The following FER variants were observed in gnomAD, a reference collection of about 807,000 sequenced individuals.
FER encodes the protein tyrosine-protein kinase Fer.
FER carries 63 observed loss-of-function variants against 111.0 expected under a neutral mutation model. That is an observed-to-expected ratio of 0.57 (90% confidence interval 0.46 to 0.70). The LOEUF (loss-of-function observed/expected upper bound fraction) is 0.70, where lower values mean the gene tolerates loss of function less well. FER is among the 30% of genes least tolerant of loss of function. The pLI, the probability that FER is intolerant of heterozygous loss-of-function variation, is 0.00. For synonymous variants in FER, 327 were observed against 313.9 expected (o/e 1.04, Z -0.44); for missense variants, 914 against 954.0 (o/e 0.96, Z 0.55).
At chr5:109,086,279 C>G (rs986487838) in intron 16 of FER, among the ~76,000 whole-genome samples, 2 of 115,042 alleles carry the variant, frequency 1.7e-5, no homozygotes, top group African/African-American at 7.8e-5. Flanking sequence ...AGGTATCGGT[C>G]CTTACATCCA....
At chr5:109,072,645 T>G (rs1030910126) in intron 16 of FER, among the ~76,000 whole-genome samples, 10 of 152,000 alleles carry the variant, frequency 6.6e-5, no homozygotes, top group African/African-American at 2.4e-4. Context: ...GCTATCGGAC[T>G]CAAAGGAAAT....
intron 9 of FER, among the ~76,000 whole-genome samples, chr5:108,893,968 GTTT>G (rs561122699): frequency 2.2e-5 from 3 of 137,560 alleles, no homozygotes; most frequent in Non-Finnish European, 3.1e-5. Context: ...AAGGAAAGAG[GTTT>G]TTTTTTTTTT....
In FER at chr5:108,995,484, T is replaced by G. The variant is rs1283917569; in HGVS notation, c.1656+36137T>G. 2.6e-5 allele frequency among the ~76,000 whole-genome samples: 4 copies of G among 152,138 alleles called. No homozygotes were observed. In the East Asian group the frequency reaches 7.7e-4, roughly 29 times the overall value. On this transcript the variant is annotated intron_variant, in intron 13 of 19. Transcript: ENST00000281092. ...TCCTATGTACATGTGTTCTCATTGT[T>G]CAGCTCCCACTTATGAATGAGAACA...
intron 10 of FER, among the ~76,000 whole-genome samples, chr5:108,909,337 G>A (rs1046260268): frequency 1.3e-5 from 2 of 152,106 alleles, no homozygotes; most frequent in African/African-American, 4.8e-5. Context: ...AGGATCCACT[G>A]TTAATTTTTT....
At chr5:109,024,509 G>A (rs972928614) in intron 13 of FER, among the ~76,000 whole-genome samples, 4 of 152,090 alleles carry the variant, frequency 2.6e-5, no homozygotes, top group African/African-American at 9.7e-5. Flanking sequence ...TAGCCACTGG[G>A]GACAGTGCCA....
intron 13 of FER, among the ~76,000 whole-genome samples, chr5:109,010,119 A>G (rs1581634068): frequency 6.6e-6 from 1 of 152,228 alleles, no homozygotes; most frequent in South Asian, 2.1e-4. Context: ...ACAGTCTACT[A>G]TATTTCTTAT....
chr5:109,033,001 T>C (rs903966483), intron 13 of FER, among the ~76,000 whole-genome samples: 2 of 152,230 alleles, frequency 1.3e-5, no homozygotes, highest in African/African-American at 4.8e-5. Context: ...TAGATTTTTC[T>C]GTATGGTCAC....
At chr5:108,890,991 G>A (rs1227861254) in intron 9 of FER, among the ~76,000 whole-genome samples, 1 of 152,082 alleles carries the variant, frequency 6.6e-6, no homozygotes, top group East Asian at 1.9e-4. Flanking sequence ...TCAGCAATGT[G>A]TGAGTGATCC....
chr5:108,893,050 A>G (rs1180278245), intron 9 of FER, among the ~76,000 whole-genome samples: 4 of 152,186 alleles, frequency 2.6e-5, no homozygotes, highest in Non-Finnish European at 5.9e-5. Flanking sequence ...TACCAGTACC[A>G]TGCTGTTTTG....
chr5:108,883,066 A>G (rs1229158976), intron 8 of FER, among the ~76,000 whole-genome samples: 3 of 151,942 alleles, frequency 2.0e-5, no homozygotes, highest in African/African-American at 4.8e-5. Context: ...CTCAATGTCT[A>G]CCAAAGTTGT....
intron 5 of FER, among the ~76,000 whole-genome samples, chr5:108,866,600 A>G (rs1258896218): frequency 6.6e-6 from 1 of 152,072 alleles, no homozygotes; most frequent in Non-Finnish European, 1.5e-5. Flanking sequence ...AAAAAGAATC[A>G]GCTAGAAACT....
intron 10 of FER, chr5:108,924,487 T>C (rs1581221918): frequency 1.5e-6 from 1 of 666,714 alleles, no homozygotes; most frequent in East Asian, 3.6e-5. Context: ...CTGTATCTGT[T>C]CCTTTAATCC....
intron 10 of FER, among the ~76,000 whole-genome samples, chr5:108,940,178 G>A (rs1168160792): frequency 2.0e-5 from 3 of 152,040 alleles, no homozygotes; most frequent in Non-Finnish European, 4.4e-5. Context: ...GCCTTTAACT[G>A]TGTAGTAATT....
chr5:109,022,834 G>T (rs1487641871), intron 13 of FER, among the ~76,000 whole-genome samples: 2 of 152,040 alleles, frequency 1.3e-5, no homozygotes, highest in African/African-American at 4.8e-5. Context: ...TCTGCATAAA[G>T]AATCAAAAGA....
At chr5:108,856,864 A>T (rs1327475387) in intron 5 of FER, among the ~76,000 whole-genome samples, 1 of 152,110 alleles carries the variant, frequency 6.6e-6, no homozygotes, top group Non-Finnish European at 1.5e-5. Flanking sequence ...TCTTTTCTGA[A>T]CTAGGAAATC....
intron 10 of FER, among the ~76,000 whole-genome samples, chr5:108,906,458 TA>T (rs1750785024): frequency 6.6e-6 from 1 of 152,304 alleles, no homozygotes; most frequent in African/African-American, 2.4e-5. Context: ...AAACATTTTT[TA>T]AAAAACTGTC....
At position 108,954,720 on chromosome 5, in the gene FER, T is replaced by C. The variant is rs959768176; in HGVS notation, c.1330-9T>C. The C allele has an allele frequency of 2.7e-6, 4 of 1,503,474 alleles. No individual in the cohort carries two copies. In the African/African-American group the frequency reaches 4.3e-5, roughly 16 times the overall value. The allele number at this position is 1,503,474 out of a possible 1,614,324, so 93.1% of individuals were successfully genotyped here. A position where few individuals can be genotyped will look rare whatever the true frequency, so the allele number is the denominator to read the frequency against. Reference sequence around the variant, plus strand: ...TAATTTAGTTTTTTTTTTTTAATATTTGTTTAAGCTTTCTGATATGATCTC... The same window carrying C: ...TAATTTAGTTTTTTTTTTTTAATATCTGTTTAAGCTTTCTGATATGATCTC... On this transcript the variant is annotated splice_polypyrimidine_tract_variant and intron_variant, in intron 11 of 19. Transcript: ENST00000281092.
chr5:109,040,550 T>G (rs1160084669), intron 14 of FER, among the ~76,000 whole-genome samples: 1 of 152,148 alleles, frequency 6.6e-6, no homozygotes, highest in Non-Finnish European at 1.5e-5. Flanking sequence ...ATGACTTGGC[T>G]GAGCAGTTTC....
chr5:108,830,304 A>G (rs767686488), intron 3 of FER, among the ~76,000 whole-genome samples: 2 of 152,070 alleles, frequency 1.3e-5, no homozygotes, highest in African/African-American at 2.4e-5. Context: ...AAATACAAAA[A>G]TTAGCTGGGC....
Sources: allele counts gnomAD v4.1 joint callset (sites outside exome capture counted in the v4.1 genomes callset), GRCh38; gene constraint gnomAD v4.1.1; transcripts MANE v1.5; gene names NCBI Gene and HGNC (gene_info 2026-07-23, HGNC 2026-07-21).